The following JPH1 variants were observed in gnomAD, a reference collection of about 807,000 sequenced individuals.
JPH1 encodes junctophilin-1.
Under a neutral mutation model 53.6 loss-of-function variants are expected in JPH1, and 12 were observed. That is an observed-to-expected ratio of 0.22 (90% CI 0.14 to 0.36). The LOEUF (loss-of-function observed/expected upper bound fraction) is 0.36, where lower values mean the gene tolerates loss of function less well. JPH1 is among the 10% of genes least tolerant of loss of function. The pLI is 1.00. For synonymous variants in JPH1, 375 were observed against 363.8 expected (o/e 1.03, Z -0.35); for missense variants, 808 against 905.5 (o/e 0.89, Z 1.38).
intron 2 of JPH1, among the ~76,000 whole-genome samples, chr8:74,301,842 T>C (rs1807691514): frequency 6.6e-6 from 1 of 152,218 alleles, no homozygotes. Context: ...ACAATGTCTG[T>C]TAAATGAAAC....
intron 2 of JPH1, 122 bp from the exon 3 acceptor site, chr8:74,259,625 G>C: frequency 1.4e-6 from 1 of 711,152 alleles, no homozygotes; most frequent in Non-Finnish European, 2.2e-6. Context: ...ACCCACAAGA[G>C]CAAAAATTTT....
chr8:74,238,455 A>T (rs1259118868), intron 4 of JPH1, among the ~76,000 whole-genome samples: 2 of 152,210 alleles, frequency 1.3e-5, no homozygotes, highest in Middle Eastern at 3.4e-3. Flanking sequence ...TTTCTCTATC[A>T]CAAGGCGTTT....
rs1358572264 is a variant in JPH1, at chr8:74,236,807, A to G, written c.*244T>C. ...TTATTATTAAGTTTTGCTCTCCAAC[A>G]TGGCCGTGTGCTTCAGCTCCCAGAG... On this transcript the variant is annotated 3_prime_UTR_variant, in exon 6 of 6. Transcript: ENST00000342232. 1 of 158,358 alleles carries G rather than the reference A, an allele frequency of 6.3e-6. No homozygotes were observed. The highest frequency in any genetic ancestry group is 2.4e-5 in the African/African-American group (1 of 41,614). 9.8% of individuals were successfully genotyped at this position (158,358 alleles called of 1,614,324 possible). A position where few individuals can be genotyped will look rare whatever the true frequency, so the allele number is the denominator to read the frequency against.
In JPH1 at chr8:74,320,684, C is replaced by T. The variant is rs989257282; in HGVS notation, c.379+225G>A. ...CCTAGCTCCCCTGAGTGTGGATACA[C>T]GGCCCGCTCCAAGAACGGGGTCAGA... On this transcript the variant is annotated intron_variant, in intron 1 of 5. Transcript: ENST00000342232. The surrounding 1 kb of genome is among the most constrained non-coding windows in gnomAD (Gnocchi z 4.4). Among the ~76,000 whole-genome samples, 1 of 152,184 alleles carries T rather than the reference C, an allele frequency of 6.6e-6. No individual in the cohort carries two copies. The highest frequency in any genetic ancestry group is 2.4e-5 in the African/African-American group (1 of 41,448).
chr8:74,301,467 T>C (rs918598280), intron 2 of JPH1, among the ~76,000 whole-genome samples: 4 of 152,214 alleles, frequency 2.6e-5, no homozygotes. Context: ...AATTCAGTAC[T>C]GGGTGGAGGA....
chr8:74,285,500 A>G (rs1235730288), intron 2 of JPH1, among the ~76,000 whole-genome samples: 1 of 152,168 alleles, frequency 6.6e-6, no homozygotes, highest in Non-Finnish European at 1.5e-5. Context: ...AGAATCCTTT[A>G]TCTGCAACTC....
At chr8:74,299,554 C>T (rs1033351) in intron 2 of JPH1, among the ~76,000 whole-genome samples, 26,510 of 152,124 alleles carry the variant, frequency 0.17, 2,887 homozygotes, top group Middle Eastern at 0.26. Context: ...TGTCTATAAC[C>T]CTTCTTCAAC....
Position 74,314,914 on chromosome 8 carries a change from G to A in JPH1, c.1086C>T (p.Gly362=), listed in dbSNP as rs145504057. 6.2e-6 allele frequency: 10 copies of A among 1,614,172 alleles called. No homozygotes were observed. The African/African-American group carries it at 6.7e-5, about 11-fold the overall frequency. The change falls in exon 2 of 6, where the codon GGC becomes GGT. Residue 362 remains glycine, a synonymous_variant. Coordinates refer to ENST00000342232, the MANE Select transcript of JPH1 (RefSeq NM_020647.4). ...TGGCCATGGCAGCTGCCCTTTGGGC[G>A]CCTTCAATTGCTCTGTCCACCTTCT... ...TREKVDRAIE[G]AQRAAAMART...
chr8:74,247,031 G>A (rs1805879914), intron 3 of JPH1, among the ~76,000 whole-genome samples: 1 of 152,226 alleles, frequency 6.6e-6, no homozygotes, highest in East Asian at 1.9e-4. Flanking sequence ...TAGCATTAAG[G>A]GGAAAAAGGG....
At position 74,315,139 on chromosome 8, in the gene JPH1, G is replaced by A. The variant is rs1174048027; in HGVS notation, c.861C>T (p.Asn287=). 1.9e-6 allele frequency: 3 copies of A among 1,614,174 alleles called. No homozygotes were observed. Among genetic ancestry groups the A allele is most frequent in the Admixed American group, 1.7e-5 (1 of 60,026 alleles). The part of the protein sequence containing the change: ...TTETYMGEWK[N]DKRNGFGVSE... ...TAACGCCGAAGCCGTTGCGCTTGTCGTTCTTCCACTCGCCCATGTAGGTTT... is the reference window on the plus strand; with the variant it reads ...TAACGCCGAAGCCGTTGCGCTTGTCATTCTTCCACTCGCCCATGTAGGTTT... Residue 287 remains asparagine (N), a synonymous_variant, in exon 2 of 6, where the codon AAC becomes AAT. Coordinates refer to ENST00000342232, the MANE Select transcript of JPH1 (RefSeq NM_020647.4). The surrounding 1 kb of genome is among the most constrained non-coding windows in gnomAD (Gnocchi z 6.3).
intron 2 of JPH1, among the ~76,000 whole-genome samples, chr8:74,280,968 A>G (rs892390112): frequency 3.3e-5 from 5 of 152,198 alleles, no homozygotes; most frequent in African/African-American, 9.6e-5. Flanking sequence ...TGGTTTGTCC[A>G]AAGTACACAC....
chr8:74,254,315 C>T (rs1250142510), intron 3 of JPH1, among the ~76,000 whole-genome samples: 1 of 152,066 alleles, frequency 6.6e-6, no homozygotes, highest in Non-Finnish European at 1.5e-5. Context: ...TCAATAGATG[C>T]AGAAAAGGCC....
At chr8:74,290,086 C>T (rs1183030928) in intron 2 of JPH1, among the ~76,000 whole-genome samples, 1 of 152,156 alleles carries the variant, frequency 6.6e-6, no homozygotes, top group Non-Finnish European at 1.5e-5. Context: ...TGAAAACTGG[C>T]ACAAGACAGG....
rs538357042 is a variant in JPH1 at position 74,292,066 on chromosome 8, C to T, written c.1139+22795G>A. Among the ~76,000 whole-genome samples, 10 of 152,238 alleles carry T rather than the reference C, an allele frequency of 6.6e-5. No homozygotes were observed. In the East Asian group the frequency reaches 1.3e-3, roughly 21 times the overall value. On this transcript the variant is annotated intron_variant, in intron 2 of 5. Transcript: ENST00000342232. ...GGCAGGGATAGCATTAGGAGATATA[C>T]TTAATGTAAATGACGAGTTAATGGG...
chr8:74,290,327 C>T (rs1212875039), intron 2 of JPH1, among the ~76,000 whole-genome samples: 1 of 152,138 alleles, frequency 6.6e-6, no homozygotes, highest in African/African-American at 2.4e-5. Context: ...CACAAGCATT[C>T]CTATACACAA....
rs528814320 is a variant in JPH1, at chr8:74,236,657, C to CAAA, written c.*391_*393dup. ...TAGTAAGGCAGCTGTTGACTTCCAT[C>CAAA]AAAAAAAAAAAAAAAATGCAGCTCC... On this transcript the variant is annotated 3_prime_UTR_variant, in exon 6 of 6. Coordinates refer to ENST00000342232, the MANE Select transcript of JPH1 (RefSeq NM_020647.4). 21 of 139,420 alleles carry CAAA rather than the reference C, an allele frequency of 1.5e-4. No homozygotes were observed. The highest frequency in any genetic ancestry group is 1.7e-4 in the Non-Finnish European group (11 of 64,736). 8.6% of individuals were successfully genotyped at this position (139,420 alleles called of 1,614,324 possible). A position where few individuals can be genotyped will look rare whatever the true frequency, so the allele number is the denominator to read the frequency against.
chr8:74,295,423 C>T (rs935510686), intron 2 of JPH1, among the ~76,000 whole-genome samples: 23 of 152,198 alleles, frequency 1.5e-4, no homozygotes, highest in East Asian at 5.8e-4. Flanking sequence ...AGGACGAACA[C>T]TGTCTTTTCA....
rs1808105338 is a variant in JPH1, at chr8:74,315,108, G to A, written c.892C>T (p.Arg298Cys). The change falls in exon 2 of 6, where the codon CGC (arginine) becomes TGC (cysteine). Residue 298 changes from arginine to cysteine, a missense_variant. Arg to Cys is a radical substitution (Grantham distance 180, BLOSUM62 -3). This residue lies in a region of JPH1 where 756 missense variants were observed against 811.9 expected (regional missense o/e 0.93). Transcript: ENST00000342232. This position sits in a 1 kb window ranked among gnomAD's most constrained non-coding sequence, Gnocchi z 6.3. ...DKRNGFGVSE[R>C]SNGMKYEGEW... ...CCTTCATACTTCATGCCATTGGAGCGCTCGCTAACGCCGAAGCCGTTGCGC... is the reference window on the plus strand; with the variant it reads ...CCTTCATACTTCATGCCATTGGAGCACTCGCTAACGCCGAAGCCGTTGCGC... The A allele has an allele frequency of 3.1e-6, 5 of 1,614,054 alleles. No individual in the cohort carries two copies. Among genetic ancestry groups the A allele is most frequent in the Admixed American group, 3.3e-5 (2 of 60,004 alleles).
At position 74,289,496 on chromosome 8, in the gene JPH1, C is replaced by T. The variant is rs117627390; in HGVS notation, c.1139+25365G>A. On this transcript the variant is annotated intron_variant, in intron 2 of 5. Transcript: ENST00000342232. ...AGTAGCACACTAAGAACTGGTGTTC[C>T]CACAGTGCTGCTGGTGCCCCCAGCA... Among the ~76,000 whole-genome samples the T allele has an allele frequency of 2.9e-3, 449 of 152,294 alleles. 5 individuals are homozygous for T. In the East Asian group the frequency reaches 0.04, roughly 14 times the overall value.
Sources: gnomAD v4.1 joint callset for allele counts (sites outside exome capture counted in the v4.1 genomes callset) on GRCh38, gnomAD v4.1.1 for gene constraint, gnomAD v4.1.1 regional missense constraint, Gnocchi (gnomAD v3.1) non-coding constraint, MANE v1.5 for transcripts, NCBI Gene and HGNC (gene_info 2026-07-23, HGNC 2026-07-21) for gene names.